BBS2: variants seen among roughly 807,000 people sequenced by gnomAD.
BBS2 encodes BBSome complex member BBS2.
A neutral mutation model predicts 83.0 loss-of-function variants in BBS2; 62 were observed. The ratio of observed to expected loss-of-function variants is 0.75; its 90% CI spans 0.61 to 0.92. The LOEUF is 0.92. BBS2 is among the 40% of genes least tolerant of loss of function. The probability of loss-of-function intolerance (pLI) is 0.00; values close to 1 mark genes in which losing one functional copy is unlikely to be tolerated. For synonymous variants in BBS2, 303 were observed against 326.1 expected (o/e 0.93, Z 0.76); for missense variants, 784 against 901.0 (o/e 0.87, Z 1.66).
In BBS2 at chr16:56,510,995, G is replaced by A. The variant is rs1416997406; in HGVS notation, c.472-74C>T. The A allele has an allele frequency of 2.5e-6, 4 of 1,571,950 alleles. No homozygotes were observed. The East Asian group carries it at 6.7e-5, about 26-fold the overall frequency. On this transcript the variant is annotated intron_variant, in intron 3 of 16. Coordinates refer to ENST00000245157, the MANE Select transcript of BBS2 (RefSeq NM_031885.5). The stretch of plus-strand genomic sequence containing the variant: ...CTCCAAATATATTAGCTACATGAAG[G>A]AGAGGATTACACAAAACACGAATGA...
At position 56,511,231 on chromosome 16, in the gene BBS2, G is replaced by A. The variant is rs775477661; in HGVS notation, c.399C>T (p.Ser133=). 2 of 1,613,980 alleles carry A rather than the reference G, an allele frequency of 1.2e-6. No individual in the cohort carries two copies. The highest frequency in any genetic ancestry group is 1.7e-6 in the Non-Finnish European group (2 of 1,179,940). Residue 133 remains serine (S), a synonymous_variant, in exon 3 of 17, where the codon TCC becomes TCT. Coordinates refer to ENST00000245157, the MANE Select transcript of BBS2 (RefSeq NM_031885.5). ...IVLGTLGDIS[S]PLAIIGGNCA... ...AATTGCCACCAATAATCGCAAGAGG[G>A]GAAGAAATGTCTCCCAATGTCCCCA...
rs1963759243 is a variant in BBS2, at chr16:56,485,730, A to G, written c.1919T>C (p.Met640Thr). 6.2e-7 allele frequency: 1 copy of G among 1,613,808 alleles called. No individual in the cohort carries two copies. The highest frequency in any genetic ancestry group is 1.3e-5 in the African/African-American group (1 of 74,918). The change falls in exon 16 of 17, where the codon ATG becomes ACG. Residue 640 changes from methionine (M) to threonine (T), a missense_variant. By Grantham distance (81) the Met-to-Thr change is moderately conservative (BLOSUM62 -1). Coordinates refer to ENST00000245157, the MANE Select transcript of BBS2 (RefSeq NM_031885.5). ...ATAGAGTTCCATATAACGACTCTTC[A>G]TTGTTTTCCTGTGCAAATCAGTAGA... Reference protein sequence around the residue: ...DARLMRDMKTMKSRYMELYDL... With the variant: ...DARLMRDMKTTKSRYMELYDL...
intron 15 of BBS2, among the ~76,000 whole-genome samples, chr16:56,490,151 AAAAT>A (rs1393898343): frequency 1.2e-4 from 18 of 149,566 alleles, no homozygotes; most frequent in African/African-American, 3.8e-4. Flanking sequence ...CACACACACA[AAAAT>A]AATAATAATA....
At chr16:56,486,279 T>G (rs1289760835) in intron 15 of BBS2, among the ~76,000 whole-genome samples, 1 of 152,202 alleles carries the variant, frequency 6.6e-6, no homozygotes, top group Non-Finnish European at 1.5e-5. Context: ...AAGCTGCAAC[T>G]ACTTTGACAG....
At chr16:56,499,011 C>T (rs1384111000) in intron 12 of BBS2, 6 of 283,574 alleles carry the variant, frequency 2.1e-5, no homozygotes, top group Admixed American at 2.0e-4. Context: ...TATACATGGG[C>T]AAACACCACA....
intron 5 of BBS2, 150 bp from the exon 6 acceptor site, chr16:56,506,374 CTCTTCT>C: frequency 1.5e-6 from 1 of 688,890 alleles, no homozygotes; most frequent in Non-Finnish European, 2.6e-6. Flanking sequence ...GAATGTATTC[CTCTTCT>C]CTACGATACA....
Position 56,470,871 on chromosome 16 carries a change from T to C in BBS2, c.*1-176A>G, listed in dbSNP as rs1285841572. The C allele has an allele frequency of 3.7e-6, 5 of 1,365,868 alleles. No individual in the cohort carries two copies. In the African/African-American group the frequency reaches 4.4e-5, roughly 12 times the overall value. The allele number at this position is 1,365,868 out of a possible 1,614,324, so 84.6% of individuals were successfully genotyped here. ...CATGTATTCATTCAACAAACATTTATTGAGCATCTACTGTGCCCTAAGCCC... is the reference window on the plus strand; with the variant it reads ...CATGTATTCATTCAACAAACATTTACTGAGCATCTACTGTGCCCTAAGCCC... On this transcript the variant is annotated intron_variant, in intron 17 of 17. Coordinates refer to the BBS2 transcript ENST00000682047.
chr16:56,510,859 CTCTT>C lies in BBS2; in HGVS notation c.530_533del (p.Lys177SerfsTer23). The C allele has an allele frequency of 6.2e-7, 1 of 1,614,062 alleles. No individual in the cohort carries two copies. The highest frequency in any genetic ancestry group is 8.5e-7 in the Non-Finnish European group (1 of 1,179,954). On this transcript the variant is annotated frameshift_variant and splice_region_variant, in exon 4 of 17. Transcript: ENST00000245157. LOFTEE classifies it high-confidence loss of function. ...GAGAGATATCTCCTCCCCCACATAC[CTCTT>C]TCTTTCCATCACCATCAAAGTCACA...
chr16:56,489,862 G>A (rs916288723), intron 15 of BBS2, among the ~76,000 whole-genome samples: 7 of 151,596 alleles, frequency 4.6e-5, no homozygotes, highest in African/African-American at 9.7e-5. Flanking sequence ...AGTGGCTCAC[G>A]CCTGAAATCC....
chr16:56,507,522 A>G (rs1461661971), intron 5 of BBS2, among the ~76,000 whole-genome samples: 1 of 152,224 alleles, frequency 6.6e-6, no homozygotes, highest in Non-Finnish European at 1.5e-5. Context: ...TTAGAATGAA[A>G]GGGATATGAG....
At position 56,509,971 on chromosome 16, in the gene BBS2, T is replaced by C; in HGVS notation, c.598A>G (p.Met200Val). 1 of 1,614,144 alleles carries C rather than the reference T, an allele frequency of 6.2e-7. No individual in the cohort carries two copies. The change falls in exon 5 of 17, where the codon ATG (methionine) becomes GTG (valine). Residue 200 changes from methionine (M) to valine (V), a missense_variant. Coordinates refer to ENST00000245157, the MANE Select transcript of BBS2 (RefSeq NM_031885.5). Reference protein sequence around the residue: ...VFKEDEIVAEMTETEIVTSLC... With the variant: ...VFKEDEIVAEVTETEIVTSLC... Reference sequence around the variant, plus strand: ...GAGCTTCTTACCTCTGTTTCTGTCATTTCTGCCACAATCTCATCTTCCTTA... The same window carrying C: ...GAGCTTCTTACCTCTGTTTCTGTCACTTCTGCCACAATCTCATCTTCCTTA...
chr16:56,502,010 G>A, intron 9 of BBS2: 2 of 434,536 alleles, frequency 4.6e-6, no homozygotes, highest in Non-Finnish European at 8.6e-6. Flanking sequence ...TCTTTGAGCT[G>A]CTTAATATTC....
chr16:56,494,125 ATTTTTTT>A (rs774708101), intron 15 of BBS2, among the ~76,000 whole-genome samples: 5 of 120,150 alleles, frequency 4.2e-5, no homozygotes, highest in East Asian at 2.3e-4. Context: ...TGCCCAGCTA[ATTTTTTT>A]TTTTTTTTTT....
Position 56,490,919 on chromosome 16 carries a change from G to A in BBS2, c.1911-5181C>T, listed in dbSNP as rs904045635. ...TGGGACTACAGGCGCCCGCCACCAC[G>A]ACCGGCTGATTTTTTGTATTTTTAG... is the stretch of plus-strand genomic sequence containing the variant. On this transcript the variant is annotated intron_variant, in intron 15 of 16. Transcript: ENST00000245157. 6.6e-5 allele frequency among the ~76,000 whole-genome samples: 10 copies of A among 151,740 alleles called. No individual in the cohort carries two copies. In the South Asian group the frequency reaches 1.7e-3, roughly 25 times the overall value.
intron 13 of BBS2, 81 bp downstream of exon 13, chr16:56,498,356 T>C (rs1237334759): frequency 6.5e-7 from 1 of 1,545,964 alleles, no homozygotes; most frequent in Non-Finnish European, 8.9e-7. Context: ...GAGAAATCTA[T>C]GCCCCTCTCA....
chr16:56,494,713 A>C (rs1468465322), intron 15 of BBS2, among the ~76,000 whole-genome samples: 1 of 152,218 alleles, frequency 6.6e-6, no homozygotes, highest in Non-Finnish European at 1.5e-5. Context: ...CTGTAATCCC[A>C]GCACTTTGGG....
chr16:56,484,575 A>G lies in BBS2; in HGVS notation c.*186T>C. Reference sequence around the variant, plus strand: ...AGTATTATTCAGCAACAGTACTACTACTGATTTAAAAATAGAAAGCAAGTC... The same window carrying G: ...AGTATTATTCAGCAACAGTACTACTGCTGATTTAAAAATAGAAAGCAAGTC... On this transcript the variant is annotated 3_prime_UTR_variant, in exon 17 of 17. Transcript: ENST00000245157. The G allele has an allele frequency of 1.7e-6, 1 of 580,446 alleles. No individual in the cohort carries two copies. The highest frequency in any genetic ancestry group is 3.1e-6 in the Non-Finnish European group (1 of 319,122). 36.0% of individuals were successfully genotyped at this position (580,446 alleles called of 1,614,324 possible). A position where few individuals can be genotyped will look rare whatever the true frequency, so the allele number is the denominator to read the frequency against.
intron 7 of BBS2, among the ~76,000 whole-genome samples, chr16:56,505,190 T>C (rs1424035847): frequency 3.3e-5 from 5 of 152,376 alleles, no homozygotes; most frequent in Middle Eastern, 3.4e-3. Flanking sequence ...TACAGTCTTA[T>C]AATTTTTAGT....
At chr16:56,483,327 T>C (rs546211587), downstream of BBS2, among the ~76,000 whole-genome samples, 12 of 152,192 alleles carry the variant, frequency 7.9e-5, no homozygotes, top group Non-Finnish European at 1.2e-4. Flanking sequence ...GGACAGCCCT[T>C]GTCAAATAGT....
Sources: gnomAD v4.1 joint callset for allele counts (sites outside exome capture counted in the v4.1 genomes callset) on GRCh38, gnomAD v4.1.1 for gene constraint, MANE v1.5 for transcripts, NCBI Gene and HGNC (gene_info 2026-07-23, HGNC 2026-07-21) for gene names.